SCAMP4: variants seen among roughly 807,000 people sequenced by gnomAD.
SCAMP4 encodes the protein secretory carrier membrane protein 4, also known as secretory carrier-associated membrane protein 4.
Under a neutral mutation model 32.1 loss-of-function variants are expected in SCAMP4, and 19 were observed. That is an observed-to-expected ratio of 0.59 (90% confidence interval 0.41 to 0.87). The LOEUF is 0.87. Among genes scored for constraint, SCAMP4 ranks in the 40% least tolerant of loss-of-function variants. The pLI is 0.00. For missense variants in SCAMP4, 302 were observed against 309.0 expected (o/e 0.98, Z 0.17); for synonymous variants, 152 against 132.7 (o/e 1.15, Z -1.00).
In SCAMP4 at chr19:1,908,690, G is replaced by C; in HGVS notation, c.-42+3251G>C. On this transcript the variant is annotated intron_variant, in intron 1 of 6. Transcript: ENST00000316097. This position sits in a 1 kb window ranked among gnomAD's most constrained non-coding sequence, Gnocchi z 4.2. ...TTTATTTATTTGAAAAAAGGAACAG[G>C]GTCTCTCTATCTTGCCCACGTTGGT... 1 of 420,656 alleles carries C rather than the reference G, an allele frequency of 2.4e-6. No individual in the cohort carries two copies. The highest frequency in any genetic ancestry group is 4.8e-6 in the Non-Finnish European group (1 of 210,064). 26.1% of individuals were successfully genotyped at this position (420,656 alleles called of 1,614,324 possible). A position where few individuals can be genotyped will look rare whatever the true frequency, so the allele number is the denominator to read the frequency against.
At chr19:1,909,196 G>A (rs928290375) in intron 1 of SCAMP4, among the ~76,000 whole-genome samples, 2 of 152,148 alleles carry the variant, frequency 1.3e-5, no homozygotes, top group Admixed American at 1.3e-4. Flanking sequence ...AGATGCAGGT[G>A]GGGGAAGGCT....
rs1021106763 is a variant in SCAMP4 at position 1,922,762 on chromosome 19, A to C, written c.396-308A>C. 4.8e-6 allele frequency: 5 copies of C among 1,043,654 alleles called. No individual in the cohort carries two copies. The African/African-American group carries it at 8.4e-5, about 18-fold the overall frequency. 64.6% of individuals were successfully genotyped at this position (1,043,654 alleles called of 1,614,324 possible). ...AACTAATGGGGAAGCACTGGTCTCC[A>C]TTCCCTGCACGCACAGCCCACTGCT... On this transcript the variant is annotated intron_variant, in intron 5 of 6. Coordinates refer to ENST00000316097, the MANE Select transcript of SCAMP4 (RefSeq NM_079834.4).
chr19:1,922,096 C>A, intron 5 of SCAMP4: 1 of 985,450 alleles, frequency 1.0e-6, no homozygotes, highest in Non-Finnish European at 1.2e-6. Flanking sequence ...ATTTTAAACC[C>A]TGTGGTTTCA....
chr19:1,920,634 TC>T, intron 5 of SCAMP4: 4 of 985,334 alleles, frequency 4.1e-6, no homozygotes, highest in Non-Finnish European at 3.6e-6. Context: ...TTGGGGTGCT[TC>T]CCCCTCCTGC....
intron 5 of SCAMP4, chr19:1,920,414 C>T (rs772252409): frequency 1.0e-5 from 7 of 679,056 alleles, no homozygotes; most frequent in Non-Finnish European, 1.3e-5. Flanking sequence ...CCCTTCAGGG[C>T]CCCTCGATCT....
chr19:1,917,429 C>T (rs2013768373), intron 2 of SCAMP4, among the ~76,000 whole-genome samples: 2 of 152,182 alleles, frequency 1.3e-5, no homozygotes, highest in African/African-American at 4.8e-5. Flanking sequence ...TCTAGAGGCG[C>T]CCCCATCCCT....
chr19:1,915,438 A>T (rs2013701059), intron 2 of SCAMP4: 1 of 256,992 alleles, frequency 3.9e-6, no homozygotes, highest in African/African-American at 2.2e-5. Flanking sequence ...GCAGGCGCCC[A>T]GGGACACTTC....
In SCAMP4 at chr19:1,924,299, GC is replaced by G; in HGVS notation, c.*20del. 6.4e-7 allele frequency: 1 copy of G among 1,567,166 alleles called. No individual in the cohort carries two copies. On this transcript the variant is annotated 3_prime_UTR_variant, in exon 7 of 7. Transcript: ENST00000316097. ...AGTGGCCTTAGAGGGAGCCTGCCCT[GC>G]CCCCACCGCCCACCACCTCCTCCCC...
At chr19:1,917,298 T>C (rs1290246501) in intron 2 of SCAMP4, among the ~76,000 whole-genome samples, 2 of 151,872 alleles carry the variant, frequency 1.3e-5, no homozygotes, top group African/African-American at 4.9e-5. Context: ...AGCGCGAGAC[T>C]CCGTCTCAAA....
Position 1,924,647 on chromosome 19 carries a change from GTCC to G in SCAMP4, c.*367_*369del. On this transcript the variant is annotated 3_prime_UTR_variant, in exon 7 of 7. Transcript: ENST00000316097. Reference sequence around the variant, plus strand: ...GTGGCAGCAGGTCGGCCGCCCTCCCGTCCTCCCAGAGCTGCTGGCGCTGAGGTC... The same window carrying G: ...GTGGCAGCAGGTCGGCCGCCCTCCCGTCCCAGAGCTGCTGGCGCTGAGGTC... The G allele has an allele frequency of 3.4e-6, 1 of 291,684 alleles. No individual in the cohort carries two copies. The highest frequency in any genetic ancestry group is 6.9e-6 in the Non-Finnish European group (1 of 145,424). The allele number at this position is 291,684 out of a possible 1,614,324, so 18.1% of individuals were successfully genotyped here.
chr19:1,912,206 A>G (rs1322329641), intron 1 of SCAMP4: 2 of 1,590,270 alleles, frequency 1.3e-6, no homozygotes, highest in East Asian at 4.6e-5. Flanking sequence ...AGAAGCAGTC[A>G]GGGGACGTGG....
intron 5 of SCAMP4, chr19:1,919,417 TCA>T: frequency 1.0e-6 from 1 of 985,184 alleles, no homozygotes; most frequent in Non-Finnish European, 1.2e-6. Flanking sequence ...CCTGAGAAAC[TCA>T]CAGTCACTCT....
chr19:1,915,886 C>T (rs1416412879), intron 2 of SCAMP4, among the ~76,000 whole-genome samples: 3 of 146,140 alleles, frequency 2.1e-5, no homozygotes, highest in Non-Finnish European at 3.0e-5. Context: ...GCGGAGCTTG[C>T]AGTGAGCGAG....
chr19:1,916,594 G>T (rs1214179120), intron 2 of SCAMP4, among the ~76,000 whole-genome samples: 1 of 152,140 alleles, frequency 6.6e-6, no homozygotes, highest in Non-Finnish European at 1.5e-5. Flanking sequence ...GAGAAGCTGG[G>T]ACCACAGGCA....
intron 5 of SCAMP4, chr19:1,920,863 C>T (rs973408521): frequency 2.1e-5 from 21 of 985,404 alleles, no homozygotes; most frequent in Non-Finnish European, 2.5e-5. Flanking sequence ...TGAGTGCCCA[C>T]ATGTGACCCT....
intron 2 of SCAMP4, among the ~76,000 whole-genome samples, chr19:1,917,116 A>G (rs1225343647): frequency 2.0e-5 from 3 of 152,172 alleles, no homozygotes; most frequent in Non-Finnish European, 4.4e-5. Flanking sequence ...CCTGGCCAAC[A>G]TGGTGAAACC....
Position 1,917,837 on chromosome 19 carries a change from G to GGGCA in SCAMP4, c.136+18_136+21dup. The GGGCA allele has an allele frequency of 6.2e-7, 1 of 1,613,490 alleles. No individual in the cohort carries two copies. Among genetic ancestry groups the GGGCA allele is most frequent in the South Asian group, 1.1e-5 (1 of 91,074 alleles). On this transcript the variant is annotated intron_variant, in intron 3 of 6. Transcript: ENST00000316097. ...GCTGTGGATGTGTGAGTGCGCCTGG[G>GGGCA]GGCAGGAGGCGGGAAGCGGGAGGCA...
intron 1 of SCAMP4, chr19:1,905,744 T>G (rs1359139041): frequency 6.6e-6 from 1 of 152,280 alleles, no homozygotes. Context: ...AGACCCCGTA[T>G]CCTCCAGCTG....
chr19:1,922,480 C>T (rs1034823789), intron 5 of SCAMP4: 5 of 930,632 alleles, frequency 5.4e-6, no homozygotes, highest in Non-Finnish European at 6.4e-6. Context: ...AGTGATCCGC[C>T]CGCCTCGGCC....
Sources: allele counts gnomAD v4.1 joint callset (sites outside exome capture counted in the v4.1 genomes callset), GRCh38; gene constraint gnomAD v4.1.1; non-coding constraint Gnocchi (gnomAD v3.1); transcripts MANE v1.5; gene names NCBI Gene and HGNC (gene_info 2026-07-23, HGNC 2026-07-21).